Variants in CD86 observed in about 807,000 individuals in gnomAD.
CD86 encodes CD86 molecule, also known as T-lymphocyte activation antigen CD86.
Under a neutral mutation model 32.1 loss-of-function variants are expected in CD86, and 11 were observed. That is an observed-to-expected ratio of 0.34 (90% CI 0.22 to 0.57). The LOEUF (loss-of-function observed/expected upper bound fraction) is 0.57, where lower values mean the gene tolerates loss of function less well. Among genes scored for constraint, CD86 ranks in the 20% least tolerant of loss-of-function variants. The pLI, the probability that CD86 is intolerant of heterozygous loss-of-function variation, is 0.86. For synonymous variants in CD86, 137 were observed against 135.3 expected, an observed-to-expected ratio of 1.01 and a Z score of -0.09; for missense variants, 359 against 398.4, an observed-to-expected ratio of 0.90 and a Z score of 0.84.
intron 1 of CD86, among the ~76,000 whole-genome samples, chr3:122,090,299 T>C (rs1407077985): frequency 6.6e-6 from 1 of 152,220 alleles, no homozygotes; most frequent in East Asian, 1.9e-4. Context: ...GAAACACATA[T>C]GGCTTCTAGA....
At chr3:122,110,710 A>G (rs1389830833) in intron 5 of CD86, among the ~76,000 whole-genome samples, 1 of 152,220 alleles carries the variant, frequency 6.6e-6, no homozygotes, top group African/African-American at 2.4e-5. Flanking sequence ...TTTCTATGAT[A>G]TAAAAGTATA....
intron 1 of CD86, among the ~76,000 whole-genome samples, chr3:122,063,300 A>G (rs1005428392): frequency 2.0e-5 from 3 of 152,210 alleles, no homozygotes; most frequent in African/African-American, 4.8e-5. Context: ...AAATGTTTAT[A>G]TATCTTGCTT....
At chr3:122,081,462 T>A (rs894936391) in intron 1 of CD86, among the ~76,000 whole-genome samples, 1 of 152,252 alleles carries the variant, frequency 6.6e-6, no homozygotes, top group Non-Finnish European at 1.5e-5. Flanking sequence ...TTGAGACCCA[T>A]TAAACAGATG....
chr3:122,106,213 C>T lies in CD86; in HGVS notation c.416C>T (p.Pro139Leu). The T allele has an allele frequency of 6.2e-7, 1 of 1,605,070 alleles. No individual in the cohort carries two copies. The change falls in exon 4 of 7, where the codon CCT becomes CTT. Residue 139 changes from proline to leucine, a missense_variant. Coordinates refer to ENST00000330540, the MANE Select transcript of CD86 (RefSeq NM_175862.5). Reference sequence around the variant, plus strand: ...CTGCTTTCAGCTAACTTCAGTCAACCTGAAATAGTACCAATTTCTAATATA... The same window carrying T: ...CTGCTTTCAGCTAACTTCAGTCAACTTGAAATAGTACCAATTTCTAATATA... ...ELSVLANFSQ[P>L]EIVPISNITE...
chr3:122,095,677 A>G (rs950516071), intron 2 of CD86, among the ~76,000 whole-genome samples: 7 of 152,200 alleles, frequency 4.6e-5, no homozygotes, highest in Non-Finnish European at 8.8e-5. Context: ...ATTCCCAAAG[A>G]ATTGTCATGG....
At chr3:122,073,977 C>T (rs1246482175) in intron 1 of CD86, among the ~76,000 whole-genome samples, 1 of 152,160 alleles carries the variant, frequency 6.6e-6, no homozygotes, top group Non-Finnish European at 1.5e-5. Context: ...GCAGCCCAGT[C>T]AGAATTCAAG....
chr3:122,106,444 T>A lies in CD86; in HGVS notation c.647T>A (p.Ile216Asn). The part of the protein sequence containing the change: ...SFPDVTSNMT[I>N]FCILETDKTR... ...CCTGATGTTACGAGCAATATGACCA[T>A]CTTCTGTATTCTGGAAACTGACAAG... is the stretch of plus-strand genomic sequence containing the variant. The change falls in exon 4 of 7, where the codon ATC becomes AAC. Residue 216 changes from isoleucine to asparagine, a missense_variant. Transcript: ENST00000330540. 6.2e-7 allele frequency: 1 copy of A among 1,613,554 alleles called. No individual in the cohort carries two copies. Among genetic ancestry groups the A allele is most frequent in the Non-Finnish European group, 8.5e-7 (1 of 1,179,632 alleles).
At chr3:122,084,316 T>A (rs1360053605) in intron 1 of CD86, among the ~76,000 whole-genome samples, 5 of 152,186 alleles carry the variant, frequency 3.3e-5, no homozygotes, top group Non-Finnish European at 5.9e-5. Flanking sequence ...ACAGTGCTGA[T>A]CTAGAGCAGG....
chr3:122,067,676 T>C (rs1478012519), intron 1 of CD86, among the ~76,000 whole-genome samples: 1 of 152,230 alleles, frequency 6.6e-6, no homozygotes, highest in African/African-American at 2.4e-5. Flanking sequence ...ACTCCTCACA[T>C]TAAAACTGTA....
In CD86 at chr3:122,077,599, C is replaced by G. The variant is rs1456887017; in HGVS notation, c.15-14002C>G. ...GGTTGCCCACATTTGTTGAACTGAA[C>G]TGCATTTTCATCTATGGGCTTCAAA... is the stretch of plus-strand genomic sequence containing the variant. On this transcript the variant is annotated intron_variant, in intron 1 of 6. Transcript: ENST00000330540. Among the ~76,000 whole-genome samples, 6 of 152,242 alleles carry G rather than the reference C, an allele frequency of 3.9e-5. No homozygotes were observed. The East Asian group carries it at 7.7e-4, about 19-fold the overall frequency.
At chr3:122,110,264 G>A (rs1391529020) in intron 5 of CD86, among the ~76,000 whole-genome samples, 1 of 152,154 alleles carries the variant, frequency 6.6e-6, no homozygotes. Flanking sequence ...TAGTCCAATA[G>A]TTTTGTTATT....
At position 122,055,451 on chromosome 3, in the gene CD86, G is replaced by C. The variant is rs914272281; in HGVS notation, c.-39G>C. On this transcript the variant is annotated 5_prime_UTR_variant, in exon 1 of 7. Transcript: ENST00000330540. ...TAGCACAGACACACGGATGAGTGGG[G>C]TCATTTCCAGATATTAGGTCACAGC... The C allele has an allele frequency of 6.2e-7, 1 of 1,608,936 alleles. No homozygotes were observed. The highest frequency in any genetic ancestry group is 1.7e-5 in the Admixed American group (1 of 60,028).
chr3:122,083,861 A>G (rs2072673756), intron 1 of CD86, among the ~76,000 whole-genome samples: 2 of 152,240 alleles, frequency 1.3e-5, no homozygotes. Context: ...TGAGATTATA[A>G]TATTTCACAT....
intron 5 of CD86, among the ~76,000 whole-genome samples, chr3:122,111,299 AT>A (rs1288603709): frequency 6.6e-6 from 1 of 152,228 alleles, no homozygotes; most frequent in Non-Finnish European, 1.5e-5. Flanking sequence ...AATATCTGCC[AT>A]TGCTTTGTGG....
At chr3:122,075,089 G>C (rs1031153645) in intron 1 of CD86, among the ~76,000 whole-genome samples, 1 of 150,338 alleles carries the variant, frequency 6.7e-6, no homozygotes, top group African/African-American at 2.5e-5. Flanking sequence ...GATATGACTT[G>C]ACATGTGAAA....
chr3:122,068,113 A>G (rs2072439450), intron 1 of CD86, among the ~76,000 whole-genome samples: 1 of 152,078 alleles, frequency 6.6e-6, no homozygotes, highest in African/African-American at 2.4e-5. Flanking sequence ...AAAAAAAATC[A>G]CTGATTTAAA....
At chr3:122,112,792 T>C (rs1355108277) in intron 5 of CD86, among the ~76,000 whole-genome samples, 1 of 152,208 alleles carries the variant, frequency 6.6e-6, no homozygotes, top group African/African-American at 2.4e-5. Flanking sequence ...ACATCTGAAA[T>C]ACTGTATTCA....
intron 5 of CD86, among the ~76,000 whole-genome samples, chr3:122,114,701 A>G (rs1207558261): frequency 1.3e-5 from 2 of 152,266 alleles, no homozygotes; most frequent in Non-Finnish European, 2.9e-5. Context: ...GGTAAGCTCA[A>G]CATTCAAAAA....
intron 1 of CD86, among the ~76,000 whole-genome samples, chr3:122,064,527 T>C (rs531736155): frequency 6.6e-6 from 1 of 152,258 alleles, no homozygotes; most frequent in East Asian, 1.9e-4. Flanking sequence ...GACGTATGAA[T>C]GGCAGAAGCT....
Sources: gnomAD v4.1 joint callset for allele counts (sites outside exome capture counted in the v4.1 genomes callset) on GRCh38, gnomAD v4.1.1 for gene constraint, MANE v1.5 for transcripts, NCBI Gene and HGNC (gene_info 2026-07-23, HGNC 2026-07-21) for gene names.